The following PHF1 variants were observed in gnomAD, a reference collection of about 807,000 sequenced individuals.
PHF1 encodes polycomb-like 1.
In PHF1, 16 loss-of-function variants were observed where a neutral mutation model predicts 69.4. The ratio of observed to expected loss-of-function variants is 0.23; its 90% CI spans 0.16 to 0.35. The LOEUF (loss-of-function observed/expected upper bound fraction) is 0.35, where lower values mean the gene tolerates loss of function less well. Ranked by LOEUF, PHF1 falls within the 10% of genes least tolerant of loss-of-function variation. The pLI is 1.00. For missense variants in PHF1, 515 were observed against 732.8 expected, an observed-to-expected ratio of 0.70 and a Z score of 3.43; for synonymous variants, 274 against 275.0, an observed-to-expected ratio of 1.00 and a Z score of 0.04.
chr6:33,412,750 G>A lies in PHF1; in HGVS notation c.294G>A (p.Val98=). The change falls in exon 4 of 15, where the codon GTG becomes GTA. Residue 98 remains valine, a synonymous_variant. Coordinates refer to ENST00000374516, the MANE Select transcript of PHF1 (RefSeq NM_024165.3). The surrounding 1 kb of genome is among the most constrained non-coding windows in gnomAD (Gnocchi z 4.2). ...LLCCVCRSET[V]VPGNRLVSCE... is the part of the protein sequence containing the mutation. ...GTTGTGTCTGTCGCTCTGAGACTGT[G>A]GTCCCTGGGAACCGGCTGGTCAGCT... 3 of 1,614,086 alleles carry A rather than the reference G, an allele frequency of 1.9e-6. No individual in the cohort carries two copies. The highest frequency in any genetic ancestry group is 2.5e-6 in the Non-Finnish European group (3 of 1,180,018).
chr6:33,415,211 T>G, intron 12 of PHF1, 24 bp from the exon 13 acceptor site: 2 of 1,610,806 alleles, frequency 1.2e-6, no homozygotes, highest in Non-Finnish European at 1.7e-6. Flanking sequence ...GGATTATCTC[T>G]CAGTCCTTTG....
At position 33,415,184 on chromosome 6, in the gene PHF1, G is replaced by T. The variant is rs767540533; in HGVS notation, c.1239+40G>T. The T allele has an allele frequency of 3.1e-6, 5 of 1,613,292 alleles. No homozygotes were observed. The East Asian group carries it at 8.9e-5, about 29-fold the overall frequency. Reference sequence around the variant, plus strand: ...GGAACCCGATGGAGCAAATGGTGGGGTGTGGGAAGGAGTCAAGGATTATCT... The same window carrying T: ...GGAACCCGATGGAGCAAATGGTGGGTTGTGGGAAGGAGTCAAGGATTATCT... On this transcript the variant is annotated intron_variant, in intron 12 of 14. Coordinates refer to ENST00000374516, the MANE Select transcript of PHF1 (RefSeq NM_024165.3).
In PHF1 at chr6:33,416,136, C is replaced by G. The variant is rs761485096; in HGVS notation, c.*38C>G. ...TGCCCAGCTCCCCATTCACACACACCGGCACTTTCATACCCTGACCTCTGA... is the reference window on the plus strand; with the variant it reads ...TGCCCAGCTCCCCATTCACACACACGGGCACTTTCATACCCTGACCTCTGA... On this transcript the variant is annotated 3_prime_UTR_variant, in exon 15 of 15. Transcript: ENST00000374516. 7.4e-6 allele frequency: 11 copies of G among 1,495,568 alleles called. No individual in the cohort carries two copies. The highest frequency in any genetic ancestry group is 6.7e-5 in the South Asian group (5 of 75,096). 92.6% of individuals were successfully genotyped at this position (1,495,568 alleles called of 1,614,324 possible).
chr6:33,414,193 C>A lies in PHF1; in HGVS notation c.753-50C>A, dbSNP rs746635975. On this transcript the variant is annotated intron_variant, in intron 8 of 14. Transcript: ENST00000374516. This position sits in a 1 kb window ranked among gnomAD's most constrained non-coding sequence, Gnocchi z 5.0. The stretch of plus-strand genomic sequence containing the variant: ...TGCCCCAACCTCCCACCTCAGGACT[C>A]CCCTGGCTCTTAAAATGCCTCTGTG... The A allele has an allele frequency of 6.2e-7, 1 of 1,614,000 alleles. No individual in the cohort carries two copies. Among genetic ancestry groups the A allele is most frequent in the South Asian group, 1.1e-5 (1 of 91,084 alleles).
At chr6:33,410,468 G>T (rs1274677049), upstream of PHF1, 1 of 128,244 alleles carries the variant, frequency 7.8e-6, no homozygotes, top group Admixed American at 8.0e-5. Flanking sequence ...AACCGCCGAC[G>T]GCCGCCGCCC....
chr6:33,415,449 C>T (rs1170361791), intron 13 of PHF1, 120 bp downstream of exon 13: 15 of 1,224,490 alleles, frequency 1.2e-5, no homozygotes, highest in East Asian at 1.2e-4. Flanking sequence ...TGGCCTAGAC[C>T]GACTTCTAGA....
Position 33,415,824 on chromosome 6 carries a change from T to C in PHF1, c.1430T>C (p.Leu477Pro), listed in dbSNP as rs775478494. 2 of 1,598,556 alleles carry C rather than the reference T, an allele frequency of 1.3e-6. No individual in the cohort carries two copies. The highest frequency in any genetic ancestry group is 1.7e-6 in the Non-Finnish European group (2 of 1,168,830). The change falls in exon 15 of 15, where the codon CTT becomes CCT. Residue 477 changes from leucine (L) to proline (P), a missense_variant. By Grantham distance (98) the Leu-to-Pro change is moderately conservative (BLOSUM62 -3). This residue lies in a region of PHF1 where 274 missense variants were observed against 304.5 expected (regional missense o/e 0.90). Transcript: ENST00000374516. ...SGPPDRSPLE[L>P]HIGFPTDIPK... The stretch of plus-strand genomic sequence containing the variant: ...TCTCTCCCTAGGTCACCCCTGGAAC[T>C]TCACATTGGTTTCCCCACAGACATC...
In PHF1 at chr6:33,416,107, C is replaced by T; in HGVS notation, c.*9C>T. 4.6e-6 allele frequency: 7 copies of T among 1,523,720 alleles called. No homozygotes were observed. Among genetic ancestry groups the T allele is most frequent in the Non-Finnish European group, 6.2e-6 (7 of 1,137,950 alleles). The allele number at this position is 1,523,720 out of a possible 1,614,324, so 94.4% of individuals were successfully genotyped here. ...GAGGGGGCATCTTCTGAACAGCCTGCCTCTGCCCAGCTCCCCATTCACACA... is the reference window on the plus strand; with the variant it reads ...GAGGGGGCATCTTCTGAACAGCCTGTCTCTGCCCAGCTCCCCATTCACACA... On this transcript the variant is annotated 3_prime_UTR_variant, in exon 15 of 15. Transcript: ENST00000374516.
chr6:33,416,350 ATTAT>A lies in PHF1; in HGVS notation c.*256_*259del, dbSNP rs1776477882. 4 of 467,466 alleles carry A rather than the reference ATTAT, an allele frequency of 8.6e-6. No homozygotes were observed. In the South Asian group the frequency reaches 2.1e-4, roughly 24 times the overall value. The allele number at this position is 467,466 out of a possible 1,614,324, so 29.0% of individuals were successfully genotyped here. On this transcript the variant is annotated 3_prime_UTR_variant, in exon 15 of 15. Transcript: ENST00000374516. ...TACAGCTTTTTAAATATTTTTTAAA[ATTAT>A]TTAACCCCTGGGGGCAGAGACTGAG...
At position 33,413,236 on chromosome 6, in the gene PHF1, T is replaced by C. The variant is rs1776211013; in HGVS notation, c.378T>C (p.Pro126=). 2 of 1,614,064 alleles carry C rather than the reference T, an allele frequency of 1.2e-6. No individual in the cohort carries two copies. The highest frequency in any genetic ancestry group is 1.7e-6 in the Non-Finnish European group (2 of 1,180,034). ...QDCHVPRAPA[P]GEGEGTSWVC... ...GCCATGTTCCCAGGGCTCCAGCCCCTGGAGAGGGAGAGGGCACATCCTGGG... is the reference window on the plus strand; with the variant it reads ...GCCATGTTCCCAGGGCTCCAGCCCCCGGAGAGGGAGAGGGCACATCCTGGG... The change falls in exon 5 of 15, where the codon CCT becomes CCC. Residue 126 remains proline, a synonymous_variant. Transcript: ENST00000374516.
In PHF1 at chr6:33,414,378, T is replaced by C. The variant is rs369369338; in HGVS notation, c.876+12T>C. The C allele has an allele frequency of 1.2e-6, 2 of 1,613,766 alleles. No homozygotes were observed. Among genetic ancestry groups the C allele is most frequent in the Non-Finnish European group, 1.7e-6 (2 of 1,179,950 alleles). On this transcript the variant is annotated intron_variant, in intron 9 of 14. Coordinates refer to ENST00000374516, the MANE Select transcript of PHF1 (RefSeq NM_024165.3). The surrounding 1 kb of genome is among the most constrained non-coding windows in gnomAD (Gnocchi z 5.0). ...TGCTCCTGGGGGAGGTAAGGGGTAG[T>C]GCAGTTTTGGGGGTTGGGATGGGAC...
chr6:33,413,429 G>A lies in PHF1; in HGVS notation c.459G>A (p.Lys153=). ...TGCAGAGGGGAGGTGCCCTGAAGAA[G>A]GGCCCCTATGCCCGGGCCATGCTGG... ...IATKRGGALK[K]GPYARAMLGM... Residue 153 remains lysine (K), a synonymous_variant, in exon 6 of 15, where the codon AAG becomes AAA. Coordinates refer to ENST00000374516, the MANE Select transcript of PHF1 (RefSeq NM_024165.3). 6.2e-7 allele frequency: 1 copy of A among 1,614,218 alleles called. No homozygotes were observed. The highest frequency in any genetic ancestry group is 8.5e-7 in the Non-Finnish European group (1 of 1,180,030).
chr6:33,414,416 C>T lies in PHF1; in HGVS notation c.876+50C>T, dbSNP rs770727153. On this transcript the variant is annotated intron_variant, in intron 9 of 14. Transcript: ENST00000374516. The surrounding 1 kb of genome is among the most constrained non-coding windows in gnomAD (Gnocchi z 5.0). ...GTTGGGATGGGACAGGGAGATGTAG[C>T]GGAAAGGGGAAGAGAAGAAATCACT... The T allele has an allele frequency of 6.8e-6, 11 of 1,613,324 alleles. No individual in the cohort carries two copies. Among genetic ancestry groups the T allele is most frequent in the African/African-American group, 2.7e-5 (2 of 74,772 alleles).
At position 33,413,189 on chromosome 6, in the gene PHF1, A is replaced by G. The variant is rs1432514751; in HGVS notation, c.338-7A>G. ...ATGCAATAAGTGGTCTACTATTATC[A>G]CTGCAGCTTATCACCAGGACTGCCA... On this transcript the variant is annotated splice_region_variant and splice_polypyrimidine_tract_variant and intron_variant, in intron 4 of 14. Coordinates refer to ENST00000374516, the MANE Select transcript of PHF1 (RefSeq NM_024165.3). 1 of 1,611,966 alleles carries G rather than the reference A, an allele frequency of 6.2e-7. No homozygotes were observed. Among genetic ancestry groups the G allele is most frequent in the South Asian group, 1.1e-5 (1 of 91,054 alleles).
Position 33,412,249 on chromosome 6 carries a change from C to A in PHF1, c.-15C>A. 6.3e-7 allele frequency: 1 copy of A among 1,594,986 alleles called. No homozygotes were observed. The highest frequency in any genetic ancestry group is 8.6e-7 in the Non-Finnish European group (1 of 1,164,374). ...CCTCCCCATTTCTTTTCTGGCTAGG[C>A]CCCCCCAGGATGCAATGGCGCAGCC... On this transcript the variant is annotated splice_region_variant and 5_prime_UTR_variant, in exon 2 of 15. Transcript: ENST00000374516. The surrounding 1 kb of genome is among the most constrained non-coding windows in gnomAD (Gnocchi z 4.2).
intron 4 of PHF1, 42 bp from the exon 5 acceptor site, chr6:33,413,152 GCA>G: frequency 6.7e-7 from 1 of 1,499,248 alleles, no homozygotes; most frequent in South Asian, 1.1e-5. Context: ...CCAATACCAA[GCA>G]CACACAGGTA....
chr6:33,415,184 G>A, intron 12 of PHF1, 40 bp downstream of exon 12: 4 of 1,613,292 alleles, frequency 2.5e-6, no homozygotes, highest in Non-Finnish European at 3.4e-6. Context: ...AAATGGTGGG[G>A]TGTGGGAAGG....
At position 33,412,250 on chromosome 6, in the gene PHF1, C is replaced by T. The variant is rs772916682; in HGVS notation, c.-14C>T. 1.5e-5 allele frequency: 24 copies of T among 1,602,606 alleles called. No individual in the cohort carries two copies. Among genetic ancestry groups the T allele is most frequent in the Non-Finnish European group, 2.0e-5 (23 of 1,170,968 alleles). ...CTCCCCATTTCTTTTCTGGCTAGGC[C>T]CCCCCAGGATGCAATGGCGCAGCCC... is the stretch of plus-strand genomic sequence containing the variant. On this transcript the variant is annotated splice_region_variant and 5_prime_UTR_variant, in exon 2 of 15. Coordinates refer to ENST00000374516, the MANE Select transcript of PHF1 (RefSeq NM_024165.3). The surrounding 1 kb of genome is among the most constrained non-coding windows in gnomAD (Gnocchi z 4.2).
chr6:33,415,070 C>T lies in PHF1; in HGVS notation c.1165C>T (p.Pro389Ser). ...RQKGKVEELGPPSAVRNQPEP... is the reference protein window; with the variant it reads ...RQKGKVEELGSPSAVRNQPEP... Reference sequence around the variant, plus strand: ...GAAGGGGAAAGTGGAGGAGCTGGGGCCACCCTCAGCAGTGCGCAATCAGCC... The same window carrying T: ...GAAGGGGAAAGTGGAGGAGCTGGGGTCACCCTCAGCAGTGCGCAATCAGCC... Residue 389 changes from proline to serine, a missense_variant, in exon 12 of 15, where the codon CCA becomes TCA. Around this residue, in one of 5 missense-constraint regions of PHF1, gnomAD observed 274 missense variants for 304.5 expected, o/e 0.90. Transcript: ENST00000374516. The T allele has an allele frequency of 6.2e-7, 1 of 1,610,594 alleles. No homozygotes were observed. Among genetic ancestry groups the T allele is most frequent in the Non-Finnish European group, 8.5e-7 (1 of 1,178,446 alleles).
Sources: allele counts gnomAD v4.1 joint callset, GRCh38; gene constraint gnomAD v4.1.1; regional missense constraint gnomAD v4.1.1; non-coding constraint Gnocchi (gnomAD v3.1); transcripts MANE v1.5; gene names NCBI Gene and HGNC (gene_info 2026-07-23, HGNC 2026-07-21).